SLC2A14: variants seen among roughly 807,000 people sequenced by gnomAD.
SLC2A14 encodes the protein solute carrier family 2 member 14.
SLC2A14 carries 13 observed loss-of-function variants against 43.0 expected under a neutral mutation model. That is an observed-to-expected ratio of 0.30 (90% CI 0.20 to 0.48). SLC2A14 has a LOEUF of 0.48. Among genes scored for constraint, SLC2A14 ranks in the 20% least tolerant of loss-of-function variants. The pLI, the probability that SLC2A14 is intolerant of heterozygous loss-of-function variation, is 0.99. For synonymous variants in SLC2A14, 190 were observed against 233.8 expected (o/e 0.81, Z 1.71); for missense variants, 428 against 620.4 (o/e 0.69, Z 3.29).
rs752608515 is a variant in SLC2A14, at chr12:7,828,701, C to T, written c.676+3G>A. 42 of 1,613,800 alleles carry T rather than the reference C, an allele frequency of 2.6e-5. No homozygotes were observed. The South Asian group carries it at 4.4e-4, about 17-fold the overall frequency. On this transcript the variant is annotated splice_donor_region_variant and intron_variant, in intron 6 of 10. Coordinates refer to ENST00000431042, the MANE Select transcript of SLC2A14 (RefSeq NM_001286234.2). ...TGTATACTAAAGAGTGAAAGATACT[C>T]ACTCCGCGTAGCATTCTCCTCTTTT...
upstream of SLC2A14, among the ~76,000 whole-genome samples, chr12:7,874,947 A>AAT (rs373321186): frequency 5.8e-3 from 101 of 17,420 alleles, 1 homozygote; most frequent in South Asian, 0.03. Context: ...TTTATATATA[A>AAT]ATATATTTAT....
chr12:7,886,628 G>T, intron 1 of SLC2A14, among the ~76,000 whole-genome samples: 1 of 151,990 alleles, frequency 6.6e-6, no homozygotes, highest in East Asian at 1.9e-4. Flanking sequence ...AGTAGTTATG[G>T]TGTTCATCTT....
At chr12:7,838,339 G>C (rs1265205765) in intron 2 of SLC2A14, among the ~76,000 whole-genome samples, 1 of 152,004 alleles carries the variant, frequency 6.6e-6, no homozygotes, top group African/African-American at 2.4e-5. Context: ...ACCTGCCTCG[G>C]CCTCCCAAAG....
intron 2 of SLC2A14, among the ~76,000 whole-genome samples, chr12:7,841,467 G>A (rs1202789502): frequency 6.6e-6 from 1 of 151,964 alleles, no homozygotes; most frequent in Non-Finnish European, 1.5e-5. Context: ...TGCCATGTTG[G>A]CCAGGCTGGT....
intron 2 of SLC2A14, among the ~76,000 whole-genome samples, chr12:7,843,645 C>T (rs1866193836): frequency 7.2e-6 from 1 of 139,536 alleles, no homozygotes. Context: ...AACAGCAACA[C>T]GAAACGAAAA....
chr12:7,878,403 C>A (rs138286119), upstream of SLC2A14, among the ~76,000 whole-genome samples: 434 of 151,772 alleles, frequency 2.9e-3, 6 homozygotes, highest in Middle Eastern at 0.01. Flanking sequence ...GGACTACAGG[C>A]ACCCATCACC....
chr12:7,874,896 A>G (rs1945413277), upstream of SLC2A14, among the ~76,000 whole-genome samples: 3 of 109,802 alleles, frequency 2.7e-5, no homozygotes, highest in Non-Finnish European at 5.0e-5. Flanking sequence ...TTATATAAAA[A>G]TTATATATAA....
intron 1 of SLC2A14, among the ~76,000 whole-genome samples, chr12:7,879,315 A>ACAAAG (rs142347088): frequency 2.0e-5 from 1 of 49,438 alleles, no homozygotes; most frequent in Non-Finnish European, 3.8e-5. Context: ...CTCTGCAAAA[A>ACAAAG]AAAACAAACA....
upstream of SLC2A14, among the ~76,000 whole-genome samples, chr12:7,874,845 T>G (rs371621189): frequency 1.5e-4 from 10 of 67,420 alleles, 1 homozygote; most frequent in East Asian, 1.1e-3. Context: ...AAATACGTAT[T>G]TATATATAAA....
At chr12:7,817,491 G>A (rs374580863) in intron 10 of SLC2A14, among the ~76,000 whole-genome samples, 2 of 151,856 alleles carry the variant, frequency 1.3e-5, no homozygotes, top group Non-Finnish European at 2.9e-5. Context: ...TGAGTTGGCC[G>A]GGCATGGTGG....
At chr12:7,856,162 T>C (rs1485995637) in intron 2 of SLC2A14, 1 of 152,184 alleles carries the variant, frequency 6.6e-6, no homozygotes, top group Non-Finnish European at 1.5e-5. Context: ...TTCTTAAGAA[T>C]GTGCCTGCCC....
At chr12:7,857,415 C>T (rs1944313098) in intron 2 of SLC2A14, among the ~76,000 whole-genome samples, 1 of 151,978 alleles carries the variant, frequency 6.6e-6, no homozygotes, top group African/African-American at 2.4e-5. Flanking sequence ...ATGGTGAAAC[C>T]CCGTCTCTAT....
At chr12:7,883,035 CCT>C (rs1945615955) in intron 1 of SLC2A14, among the ~76,000 whole-genome samples, 1 of 151,300 alleles carries the variant, frequency 6.6e-6, no homozygotes, top group African/African-American at 2.4e-5. Flanking sequence ...ATGGTGAAAC[CCT>C]GTCTCTACTA....
intron 7 of SLC2A14, among the ~76,000 whole-genome samples, chr12:7,826,992 C>CTG (rs762450456): frequency 7.3e-6 from 1 of 136,176 alleles, no homozygotes; most frequent in African/African-American, 2.8e-5. Context: ...TCCTTTCTCT[C>CTG]TTTCTCTCCT....
intron 2 of SLC2A14, among the ~76,000 whole-genome samples, chr12:7,854,629 T>C (rs1302333136): frequency 1.3e-5 from 2 of 151,738 alleles, no homozygotes; most frequent in Non-Finnish European, 2.9e-5. Flanking sequence ...ACAATTCTCC[T>C]GCCTCAGCCT....
chr12:7,814,294 G>C lies in SLC2A14; in HGVS notation c.*22C>G, dbSNP rs1449438191. The C allele has an allele frequency of 1.3e-6, 2 of 1,555,140 alleles. No homozygotes were observed. The highest frequency in any genetic ancestry group is 2.3e-5 in the South Asian group (2 of 85,908). On this transcript the variant is annotated 3_prime_UTR_variant, in exon 11 of 11. Transcript: ENST00000431042. ...GAGAGGTGGCTTTCCCATGCCGGGA[G>C]GGAGGTGGAAGGAGGCATGACTTAG...
intron 1 of SLC2A14, among the ~76,000 whole-genome samples, chr12:7,879,734 G>C (rs1945532623): frequency 6.6e-6 from 1 of 151,906 alleles, no homozygotes; most frequent in South Asian, 2.1e-4. Flanking sequence ...GCCAGGCACA[G>C]TGGCTCATGC....
intron 7 of SLC2A14, among the ~76,000 whole-genome samples, chr12:7,827,228 A>G (rs980559371): frequency 1.3e-5 from 2 of 148,430 alleles, no homozygotes; most frequent in Non-Finnish European, 3.0e-5. Flanking sequence ...CTCCGGCCTC[A>G]GCCTCCTGAG....
At chr12:7,836,624 A>G (rs1865484146) in intron 2 of SLC2A14, among the ~76,000 whole-genome samples, 1 of 151,844 alleles carries the variant, frequency 6.6e-6, no homozygotes, top group African/African-American at 2.4e-5. Flanking sequence ...ACTTCAGTTC[A>G]GGAATTCAAT....
Sources: allele counts gnomAD v4.1 joint callset (sites outside exome capture counted in the v4.1 genomes callset), GRCh38; gene constraint gnomAD v4.1.1; transcripts MANE v1.5; gene names NCBI Gene and HGNC (gene_info 2026-07-23, HGNC 2026-07-21).